The following SAMD4A variants were observed in gnomAD, a reference collection of about 807,000 sequenced individuals.
The protein encoded by SAMD4A is sterile alpha motif domain containing 4A, also known as protein Smaug homolog 1.
SAMD4A carries 33 observed loss-of-function variants against 81.3 expected under a neutral mutation model. The observed-to-expected ratio is 0.41, with a 90% CI of 0.31 to 0.54. The LOEUF is 0.54. Among genes scored for constraint, SAMD4A ranks in the 20% least tolerant of loss-of-function variants. The probability of loss-of-function intolerance (pLI) is 0.37; values close to 1 mark genes in which losing one functional copy is unlikely to be tolerated. For synonymous variants in SAMD4A, 389 were observed against 382.1 expected (o/e 1.02, Z -0.21); for missense variants, 854 against 951.1 (o/e 0.90, Z 1.34).
chr14:54,586,440 C>T, intron 2 of SAMD4A, among the ~76,000 whole-genome samples: 1 of 152,104 alleles, frequency 6.6e-6, no homozygotes, highest in Non-Finnish European at 1.5e-5. Context: ...AATTAAGTCC[C>T]ATCTATTTAT....
At chr14:54,585,923 A>G (rs138220861) in intron 2 of SAMD4A, among the ~76,000 whole-genome samples, 12 of 152,218 alleles carry the variant, frequency 7.9e-5, no homozygotes, top group African/African-American at 2.6e-4. Flanking sequence ...TCTTTTTCCT[A>G]TAATGACTTC....
chr14:54,779,487 C>G (rs185804560), intron 11 of SAMD4A, among the ~76,000 whole-genome samples: 42 of 152,308 alleles, frequency 2.8e-4, no homozygotes, highest in Admixed American at 2.4e-3. Flanking sequence ...TAAAATAACT[C>G]TACTGATGGG....
chr14:54,726,998 C>T (rs1025047555), intron 3 of SAMD4A, among the ~76,000 whole-genome samples: 1 of 151,824 alleles, frequency 6.6e-6, no homozygotes, highest in African/African-American at 2.4e-5. Context: ...GGGCTAGGTT[C>T]GGTCACATTT....
At position 54,673,231 on chromosome 14, in the gene SAMD4A, C is replaced by A. The variant is rs116025248; in HGVS notation, c.197-28831C>A. On this transcript the variant is annotated intron_variant, in intron 2 of 12. Transcript: ENST00000554335. ...CAGCTGTCTGACAGCCAAGTCACCC[C>A]AATTTCAATGGGAGCAGCACATGTT... Among the ~76,000 whole-genome samples the A allele has an allele frequency of 5.6e-3, 850 of 152,294 alleles. 10 individuals carry two copies. The highest frequency in any genetic ancestry group is 0.02 in the African/African-American group (820 of 41,542).
At chr14:54,722,729 G>A (rs1454860524) in intron 3 of SAMD4A, among the ~76,000 whole-genome samples, 2 of 152,134 alleles carry the variant, frequency 1.3e-5, no homozygotes, top group Non-Finnish European at 2.9e-5. Flanking sequence ...GTTTCTTCCT[G>A]TTTTAAAGTT....
chr14:54,693,698 T>C (rs1226633069), intron 2 of SAMD4A: 2 of 152,086 alleles, frequency 1.3e-5, no homozygotes, highest in Non-Finnish European at 1.5e-5. Flanking sequence ...AAAACTGTAA[T>C]TAAGAAGGAA....
intron 2 of SAMD4A, among the ~76,000 whole-genome samples, chr14:54,688,905 T>A (rs1372451271): frequency 6.7e-6 from 1 of 149,326 alleles, no homozygotes; most frequent in Non-Finnish European, 1.5e-5. Context: ...AGTAGATCTA[T>A]AGAGAGGGTC....
intron 8 of SAMD4A, among the ~76,000 whole-genome samples, chr14:54,766,986 T>C (rs2038562558): frequency 6.6e-6 from 1 of 152,140 alleles, no homozygotes; most frequent in African/African-American, 2.4e-5. Context: ...TGATCTCCTC[T>C]GGTTGCCCAG....
At position 54,585,312 on chromosome 14, in the gene SAMD4A, G is replaced by A. The variant is rs150421999; in HGVS notation, c.196+17200G>A. On this transcript the variant is annotated intron_variant, in intron 2 of 12. Coordinates refer to ENST00000554335, the MANE Select transcript of SAMD4A (RefSeq NM_015589.6). ...TATTTCCAGTTTCTTACAATGCTGT[G>A]GTAAACATCCTTTAAAGCACAGATT... Among the ~76,000 whole-genome samples the A allele has an allele frequency of 1.2e-4, 18 of 152,192 alleles. No homozygotes were observed. In the East Asian group the frequency reaches 3.5e-3, roughly 29 times the overall value.
At chr14:54,700,782 G>A (rs2036694440) in intron 2 of SAMD4A, among the ~76,000 whole-genome samples, 1 of 152,160 alleles carries the variant, frequency 6.6e-6, no homozygotes, top group African/African-American at 2.4e-5. Context: ...GGGATGGAAA[G>A]GATCCTTCTG....
chr14:54,580,531 C>T (rs1467508900), intron 2 of SAMD4A, among the ~76,000 whole-genome samples: 1 of 152,174 alleles, frequency 6.6e-6, no homozygotes, highest in Non-Finnish European at 1.5e-5. Context: ...CCTAGTGGAG[C>T]ACTGGGTGTC....
intron 11 of SAMD4A, among the ~76,000 whole-genome samples, chr14:54,782,360 G>A (rs1164994695): frequency 1.3e-5 from 2 of 151,132 alleles, no homozygotes; most frequent in Non-Finnish European, 2.9e-5. Context: ...TTGCTAACTC[G>A]CTATATATAA....
intron 2 of SAMD4A, among the ~76,000 whole-genome samples, chr14:54,653,520 A>T (rs1029285339): frequency 1.3e-5 from 2 of 151,738 alleles, no homozygotes; most frequent in Admixed American, 1.3e-4. Context: ...TTGTATTTTT[A>T]GTAGAGACAG....
intron 2 of SAMD4A, chr14:54,687,382 T>C (rs1031752591): frequency 3.9e-5 from 18 of 456,464 alleles, no homozygotes; most frequent in African/African-American, 3.2e-4. Flanking sequence ...TGATTTTCCT[T>C]GAAGAATCAA....
rs552722492 is a variant in SAMD4A, at chr14:54,758,606, G to A, written c.1177-1555G>A. On this transcript the variant is annotated intron_variant, in intron 6 of 12. Transcript: ENST00000554335. ...GCACTTTGGGAGGCTGAGGCGGACGGACCACCTGGGGTCAGAAGTTCAAGA... is the reference window on the plus strand; with the variant it reads ...GCACTTTGGGAGGCTGAGGCGGACGAACCACCTGGGGTCAGAAGTTCAAGA... 8.5e-5 allele frequency among the ~76,000 whole-genome samples: 13 copies of A among 152,302 alleles called. No individual in the cohort carries two copies. The East Asian group carries it at 2.3e-3, about 27-fold the overall frequency.
chr14:54,642,051 GC>G (rs1315542736), intron 2 of SAMD4A, among the ~76,000 whole-genome samples: 3 of 152,168 alleles, frequency 2.0e-5, no homozygotes, highest in African/African-American at 7.2e-5. Context: ...ACCCGTCTCG[GC>G]CTCCCAAAGT....
At chr14:54,690,581 C>T (rs917793729) in intron 2 of SAMD4A, among the ~76,000 whole-genome samples, 1 of 152,182 alleles carries the variant, frequency 6.6e-6, no homozygotes, top group African/African-American at 2.4e-5. Flanking sequence ...GTCTGATTCT[C>T]CCCAAGTTAT....
intron 11 of SAMD4A, among the ~76,000 whole-genome samples, chr14:54,782,451 A>C (rs997992454): frequency 6.6e-6 from 1 of 152,292 alleles, no homozygotes; most frequent in East Asian, 1.9e-4. Context: ...TGAATGGATG[A>C]AAATACTAAA....
rs2039252877 is a variant in SAMD4A, at chr14:54,791,151, T to TG, written c.*2210dup. On this transcript the variant is annotated 3_prime_UTR_variant, in exon 13 of 13. Transcript: ENST00000554335. ...GCTTAGTGTTACTTGGGGAATGTGT[T>TG]GGGATGGACGATCACATGTAAGGCA... 1 of 152,222 alleles carries TG rather than the reference T, an allele frequency of 6.6e-6. No homozygotes were observed. Among genetic ancestry groups the TG allele is most frequent in the East Asian group, 1.9e-4 (1 of 5,206 alleles). 9.4% of individuals were successfully genotyped at this position (152,222 alleles called of 1,614,324 possible). A position where few individuals can be genotyped will look rare whatever the true frequency, so the allele number is the denominator to read the frequency against.
Sources: allele counts gnomAD v4.1 joint callset (sites outside exome capture counted in the v4.1 genomes callset), GRCh38; gene constraint gnomAD v4.1.1; transcripts MANE v1.5; gene names NCBI Gene and HGNC (gene_info 2026-07-23, HGNC 2026-07-21).